KCNQ1: variants seen among roughly 807,000 people sequenced by gnomAD.
KCNQ1 encodes potassium voltage-gated channel subfamily KQT member 1.
KCNQ1 carries 49 observed loss-of-function variants against 72.4 expected under a neutral mutation model. The observed-to-expected ratio is 0.68, with a 90% CI of 0.54 to 0.86. The LOEUF is 0.86. Among genes scored for constraint, KCNQ1 ranks in the 40% least tolerant of loss-of-function variants. KCNQ1 has a pLI of 0.00. For missense variants in KCNQ1, 790 were observed against 945.1 expected (o/e 0.84, Z 2.15); for synonymous variants, 450 against 412.6 (o/e 1.09, Z -1.10).
intron 11 of KCNQ1, among the ~76,000 whole-genome samples, chr11:2,705,588 G>A (rs899755517): frequency 1.3e-5 from 2 of 152,170 alleles, no homozygotes; most frequent in African/African-American, 2.4e-5. Context: ...TCCCAAGCTC[G>A]GGGTGTGTGC....
chr11:2,811,538 G>A (rs1269710901), intron 15 of KCNQ1, among the ~76,000 whole-genome samples: 4 of 152,234 alleles, frequency 2.6e-5, no homozygotes, highest in Non-Finnish European at 5.9e-5. Flanking sequence ...GTGAACACAG[G>A]GCCCTGCTTG....
In KCNQ1 at chr11:2,824,890, C is replaced by T. The variant is rs567039977; in HGVS notation, c.1795-22877C>T. Among the ~76,000 whole-genome samples the T allele has an allele frequency of 1.3e-5, 2 of 152,340 alleles. No homozygotes were observed. The highest frequency in any genetic ancestry group is 2.1e-4 in the South Asian group (1 of 4,828). On this transcript the variant is annotated intron_variant, in intron 15 of 15. Coordinates refer to ENST00000155840, the MANE Select transcript of KCNQ1 (RefSeq NM_000218.3). This position sits in a 1 kb window ranked among gnomAD's most constrained non-coding sequence, Gnocchi z 5.9. ...TACACTGATCAGGGACACGAGTTCCCCTGCCGGGCACAGAGCAGGTTCCCA... is the reference window on the plus strand; with the variant it reads ...TACACTGATCAGGGACACGAGTTCCTCTGCCGGGCACAGAGCAGGTTCCCA...
intron 1 of KCNQ1, among the ~76,000 whole-genome samples, chr11:2,524,271 G>A (rs1018612025): frequency 3.3e-5 from 5 of 152,276 alleles, no homozygotes; most frequent in Admixed American, 1.3e-4. Flanking sequence ...CTGGCAAGTC[G>A]TCTCATACCG....
At chr11:2,819,829 A>G (rs1348538990) in intron 15 of KCNQ1, among the ~76,000 whole-genome samples, 2 of 152,184 alleles carry the variant, frequency 1.3e-5, no homozygotes, top group African/African-American at 4.8e-5. Context: ...AGGATTTTCT[A>G]CCACATAAGC....
At chr11:2,476,969 A>G (rs1040696836) in intron 1 of KCNQ1, among the ~76,000 whole-genome samples, 1 of 152,262 alleles carries the variant, frequency 6.6e-6, no homozygotes, top group Admixed American at 6.5e-5. Context: ...GATCACAGGC[A>G]TGAGCCACTG....
intron 11 of KCNQ1, among the ~76,000 whole-genome samples, chr11:2,763,071 C>T (rs1043193875): frequency 9.2e-5 from 14 of 152,250 alleles, no homozygotes; most frequent in African/African-American, 3.1e-4. Context: ...AATAAATAAA[C>T]AAACAAACAA....
rs1442094497 is a variant in KCNQ1, at chr11:2,818,183, G to T, written c.1795-29584G>T. On this transcript the variant is annotated intron_variant, in intron 15 of 15. Transcript: ENST00000155840. This position sits in a 1 kb window ranked among gnomAD's most constrained non-coding sequence, Gnocchi z 7.2. Reference sequence around the variant, plus strand: ...GCGTGCCCCAACTTCCGAGCCCTAGGAAAGGGTCTTGTCTGCTCTTCCCCT... The same window carrying T: ...GCGTGCCCCAACTTCCGAGCCCTAGTAAAGGGTCTTGTCTGCTCTTCCCCT... 6.6e-6 allele frequency among the ~76,000 whole-genome samples: 1 copy of T among 152,198 alleles called. No individual in the cohort carries two copies. Among genetic ancestry groups the T allele is most frequent in the African/African-American group, 2.4e-5 (1 of 41,450 alleles).
At chr11:2,825,444 G>A (rs963716577) in intron 15 of KCNQ1, among the ~76,000 whole-genome samples, 3 of 152,098 alleles carry the variant, frequency 2.0e-5, no homozygotes, top group East Asian at 1.9e-4. Context: ...ACGCGGGGGG[G>A]TAGGGGCGCC....
At position 2,746,472 on chromosome 11, in the gene KCNQ1, C is replaced by T. The variant is rs941240062; in HGVS notation, c.1515-22372C>T. Among the ~76,000 whole-genome samples, 2 of 152,180 alleles carry T rather than the reference C, an allele frequency of 1.3e-5. No homozygotes were observed. The highest frequency in any genetic ancestry group is 4.8e-5 in the African/African-American group (2 of 41,444). On this transcript the variant is annotated intron_variant, in intron 11 of 15. Coordinates refer to ENST00000155840, the MANE Select transcript of KCNQ1 (RefSeq NM_000218.3). This position sits in a 1 kb window ranked among gnomAD's most constrained non-coding sequence, Gnocchi z 5.9. ...CCATGTGACATTCCTCATCCGTCTC[C>T]CTGGGCTCCTCTGGGCGGTGACTGT... is the stretch of plus-strand genomic sequence containing the variant.
chr11:2,472,285 G>T (rs1226544235), intron 1 of KCNQ1, among the ~76,000 whole-genome samples: 1 of 150,364 alleles, frequency 6.7e-6, no homozygotes, highest in African/African-American at 2.5e-5. Flanking sequence ...ATGTGTATAG[G>T]TGTGTGTTTT....
Position 2,559,498 on chromosome 11 carries a change from C to T in KCNQ1, c.478-11130C>T, listed in dbSNP as rs558413412. On this transcript the variant is annotated intron_variant, in intron 2 of 15. Transcript: ENST00000155840. The surrounding 1 kb of genome is among the most constrained non-coding windows in gnomAD (Gnocchi z 4.9). ...CCCACAGGGGACACTGGGCCTCATG[C>T]CGCCTGTCAGGATGGTGTCCGGGAT... Among the ~76,000 whole-genome samples, 2 of 152,334 alleles carry T rather than the reference C, an allele frequency of 1.3e-5. No homozygotes were observed. The highest frequency in any genetic ancestry group is 1.9e-4 in the East Asian group (1 of 5,176).
chr11:2,572,343 G>T (rs1010679439), intron 5 of KCNQ1, among the ~76,000 whole-genome samples: 1 of 152,210 alleles, frequency 6.6e-6, no homozygotes, highest in Non-Finnish European at 1.5e-5. Context: ...GGCTGATGGT[G>T]TGCTCACCTT....
In KCNQ1 at chr11:2,690,173, C is replaced by T. The variant is rs1187943192; in HGVS notation, c.1514+28092C>T. On this transcript the variant is annotated intron_variant, in intron 11 of 15. Transcript: ENST00000155840. This position sits in a 1 kb window ranked among gnomAD's most constrained non-coding sequence, Gnocchi z 5.1. ...CCCCAGCATGACAGGATGTGGAAGG[C>T]TGGTCTCTCCAGAGACTGGGCTAAA... is the stretch of plus-strand genomic sequence containing the variant. The T allele has an allele frequency of 5.0e-6, 2 of 398,680 alleles. No individual in the cohort carries two copies. The highest frequency in any genetic ancestry group is 4.1e-5 in the African/African-American group (2 of 48,644). 24.7% of individuals were successfully genotyped at this position (398,680 alleles called of 1,614,324 possible). A position where few individuals can be genotyped will look rare whatever the true frequency, so the allele number is the denominator to read the frequency against.
intron 1 of KCNQ1, among the ~76,000 whole-genome samples, chr11:2,480,838 G>A (rs1351205216): frequency 6.6e-6 from 1 of 152,174 alleles, no homozygotes; most frequent in Non-Finnish European, 1.5e-5. Context: ...AATCCATGAG[G>A]AGGCGTTTAG....
rs1238778632 is a variant in KCNQ1 at position 2,457,891 on chromosome 11, C to T, written c.386+12407C>T. Among the ~76,000 whole-genome samples, 1 of 151,810 alleles carries T rather than the reference C, an allele frequency of 6.6e-6. No homozygotes were observed. Among genetic ancestry groups the T allele is most frequent in the African/African-American group, 2.4e-5 (1 of 41,322 alleles). The stretch of plus-strand genomic sequence containing the variant: ...ATCCCTGCATTTGAATGAGGACTAT[C>T]AGTATGCATCCAGGATGACGTTTAC... On this transcript the variant is annotated intron_variant, in intron 1 of 15. Transcript: ENST00000155840. The surrounding 1 kb of genome is among the most constrained non-coding windows in gnomAD (Gnocchi z 5.0).
rs1846360030 is a variant in KCNQ1, at chr11:2,759,747, T to A, written c.1515-9097T>A. On this transcript the variant is annotated intron_variant, in intron 11 of 15. Coordinates refer to ENST00000155840, the MANE Select transcript of KCNQ1 (RefSeq NM_000218.3). This position sits in a 1 kb window ranked among gnomAD's most constrained non-coding sequence, Gnocchi z 4.4. The stretch of plus-strand genomic sequence containing the variant: ...AAGGGGCTTGCATCTGACTTAACTG[T>A]CTGGCTGGGGGAGAGGGGACAGAGG... 6.6e-6 allele frequency among the ~76,000 whole-genome samples: 1 copy of A among 152,142 alleles called. No homozygotes were observed. The highest frequency in any genetic ancestry group is 2.4e-5 in the African/African-American group (1 of 41,434).
At chr11:2,755,945 CAT>C (rs966539093) in intron 11 of KCNQ1, among the ~76,000 whole-genome samples, 1 of 152,204 alleles carries the variant, frequency 6.6e-6, no homozygotes, top group African/African-American at 2.4e-5. Context: ...TCGAGGAACA[CAT>C]GTGGCCAGTG....
In KCNQ1 at chr11:2,445,218, G is replaced by A. The variant is rs1846016025; in HGVS notation, c.120G>A (p.Leu40=). ...AGAAGTGCCCCTTCTCGCTGGAGCT[G>A]GCGGAGGGCGGCCCGGCGGGCGGCG... ...LAKKCPFSLE[L]AEGGPAGGAL... is the part of the protein sequence containing the mutation. The change falls in exon 1 of 16, where the codon CTG becomes CTA. Residue 40 remains leucine (L), a synonymous_variant. Coordinates refer to ENST00000155840, the MANE Select transcript of KCNQ1 (RefSeq NM_000218.3). The A allele has an allele frequency of 1.8e-6, 2 of 1,134,700 alleles. No individual in the cohort carries two copies. The highest frequency in any genetic ancestry group is 1.7e-5 in the African/African-American group (1 of 59,882). 70.3% of individuals were successfully genotyped at this position (1,134,700 alleles called of 1,614,324 possible). A position where few individuals can be genotyped will look rare whatever the true frequency, so the allele number is the denominator to read the frequency against.
intron 15 of KCNQ1, among the ~76,000 whole-genome samples, chr11:2,793,314 A>G (rs777576570): frequency 1.3e-5 from 2 of 152,150 alleles, no homozygotes; most frequent in South Asian, 4.1e-4. Flanking sequence ...TTTCTCCAGA[A>G]CCCAGGAATA....
Sources: allele counts gnomAD v4.1 joint callset (sites outside exome capture counted in the v4.1 genomes callset), GRCh38; gene constraint gnomAD v4.1.1; non-coding constraint Gnocchi (gnomAD v3.1); transcripts MANE v1.5; gene names NCBI Gene and HGNC (gene_info 2026-07-23, HGNC 2026-07-21).